TOPAZ1: variants seen among roughly 807,000 people sequenced by gnomAD.
TOPAZ1 encodes testis and ovary specific TOPAZ 1, also known as protein TOPAZ1.
Under a neutral mutation model 172.2 loss-of-function variants are expected in TOPAZ1, and 66 were observed. That is an observed-to-expected ratio of 0.38 (90% CI 0.31 to 0.47). The LOEUF is 0.47. Ranked by LOEUF, TOPAZ1 falls within the 20% of genes least tolerant of loss-of-function variation. The pLI is 0.99. For synonymous variants in TOPAZ1, 681 were observed against 683.9 expected (o/e 1.00, Z 0.07); for missense variants, 1,822 against 1,972.4 (o/e 0.92, Z 1.44).
chr3:44,327,695 G>T (rs1700615324), intron 18 of TOPAZ1, among the ~76,000 whole-genome samples: 1 of 151,764 alleles, frequency 6.6e-6, no homozygotes, highest in Non-Finnish European at 1.5e-5. Flanking sequence ...CCATGATAAG[G>T]CCCAAAAGTC....
chr3:44,299,958 G>C (rs1390783931), intron 12 of TOPAZ1, among the ~76,000 whole-genome samples: 1 of 34,556 alleles, frequency 2.9e-5, no homozygotes, highest in Non-Finnish European at 6.0e-5. Flanking sequence ...GTTGTGGGGT[G>C]GGGGGAGGGG....
intron 2 of TOPAZ1, among the ~76,000 whole-genome samples, chr3:44,246,973 T>G (rs1699574594): frequency 6.6e-6 from 1 of 152,188 alleles, no homozygotes; most frequent in Admixed American, 6.5e-5. Context: ...GACAGTGAGC[T>G]AAGCCAAATT....
At chr3:44,291,329 G>A (rs1223248714) in intron 12 of TOPAZ1, among the ~76,000 whole-genome samples, 10 of 148,488 alleles carry the variant, frequency 6.7e-5, no homozygotes, top group African/African-American at 1.7e-4. Flanking sequence ...AAAGCCAGGC[G>A]CCGTGGCTCA....
Position 44,331,892 on chromosome 3 carries a change from C to T in TOPAZ1, c.4960C>T (p.His1654Tyr). 3.2e-6 allele frequency: 5 copies of T among 1,551,738 alleles called. No individual in the cohort carries two copies. The highest frequency in any genetic ancestry group is 4.4e-6 in the Non-Finnish European group (5 of 1,146,942). ...RISDPKLFVK[H>Y]MTVNVNKEQV... ...ATCAGATCCAAAGCTTTTCGTTAAA[C>T]ACATGACTGTCAATGTTAATAAGGA... Residue 1654 changes from histidine (H) to tyrosine (Y), a missense_variant, in exon 20 of 20, where the codon CAC becomes TAC. His to Tyr is a moderately conservative substitution (Grantham distance 83, BLOSUM62 2). Coordinates refer to ENST00000309765, the MANE Select transcript of TOPAZ1 (RefSeq NM_001145030.2).
intron 12 of TOPAZ1, among the ~76,000 whole-genome samples, chr3:44,297,202 CA>C (rs1700210429): frequency 6.7e-6 from 1 of 150,254 alleles, no homozygotes; most frequent in Non-Finnish European, 1.5e-5. Context: ...AAGAAAATTA[CA>C]AATTAGTATT....
At chr3:44,332,724 C>A (rs1331186459), downstream of TOPAZ1, among the ~76,000 whole-genome samples, 1 of 151,826 alleles carries the variant, frequency 6.6e-6, no homozygotes, top group Non-Finnish European at 1.5e-5. Flanking sequence ...TACTTTAAAC[C>A]GTAATTTAAA....
chr3:44,271,699 AT>A (rs1699901089), intron 8 of TOPAZ1, among the ~76,000 whole-genome samples: 1 of 152,162 alleles, frequency 6.6e-6, no homozygotes, highest in Non-Finnish European at 1.5e-5. Context: ...ATATGGAATA[AT>A]TAAATCAAGC....
intron 2 of TOPAZ1, among the ~76,000 whole-genome samples, chr3:44,251,835 T>C (rs745836709): frequency 2.6e-5 from 4 of 152,206 alleles, no homozygotes; most frequent in African/African-American, 4.8e-5. Context: ...AAATCTCTTT[T>C]ATCTCCTTTC....
chr3:44,268,363 A>ATTTTTTTTTTT (rs1293339613), intron 6 of TOPAZ1, among the ~76,000 whole-genome samples: 2 of 91,758 alleles, frequency 2.2e-5, no homozygotes, highest in African/African-American at 4.0e-5. Flanking sequence ...TGTGGTGCCT[A>ATTTTTTTTTTT]TTCTTTTTTT....
Position 44,305,579 on chromosome 3 carries a change from A to G in TOPAZ1, c.4039+258A>G, listed in dbSNP as rs775799554. Among the ~76,000 whole-genome samples the G allele has an allele frequency of 6.9e-4, 105 of 152,144 alleles. 3 individuals are homozygous for G. Among genetic ancestry groups the G allele is most frequent in the Admixed American group, 7.2e-4 (11 of 15,266 alleles). ...GACACAGAATCTTGCTTCATTGCCC[A>G]GGCTAGTCTCGAACTCTTGTGCTCA... On this transcript the variant is annotated intron_variant, in intron 14 of 19. Coordinates refer to ENST00000309765, the MANE Select transcript of TOPAZ1 (RefSeq NM_001145030.2).
intron 8 of TOPAZ1, among the ~76,000 whole-genome samples, chr3:44,277,781 G>A (rs1699979175): frequency 6.6e-6 from 1 of 152,038 alleles, no homozygotes; most frequent in African/African-American, 2.4e-5. Context: ...AAAGTGTGTG[G>A]CACCTTCCGC....
chr3:44,278,808 C>T (rs1489526153), intron 8 of TOPAZ1, among the ~76,000 whole-genome samples: 28 of 146,826 alleles, frequency 1.9e-4, no homozygotes, highest in Non-Finnish European at 3.6e-4. Flanking sequence ...TGTTGATCCT[C>T]CTTTTTTTTT....
In TOPAZ1 at chr3:44,242,324, C is replaced by CCGTCAGACT. The variant is rs781629976; in HGVS notation, c.280_288dup (p.Ser94_Asp96dup). ...GGAGGGGCGCAGGGGCCCGGTGAGC[C>CCGTCAGACT]CGTCAGACTCGTCAGACCCGCGAGG... On this transcript the variant is annotated inframe_insertion, in exon 1 of 20. Coordinates refer to ENST00000309765, the MANE Select transcript of TOPAZ1 (RefSeq NM_001145030.2). 2 of 1,551,876 alleles carry CCGTCAGACT rather than the reference C, an allele frequency of 1.3e-6. No individual in the cohort carries two copies. The highest frequency in any genetic ancestry group is 8.7e-7 in the Non-Finnish European group (1 of 1,147,090).
Position 44,244,202 on chromosome 3 carries a change from GATTCTA to G in TOPAZ1, c.1706_1711del (p.Ser569_Asn570del). ...TGAATCTTCAAGTAAAGAAAAATTAGATTCTAATTCTAATTGTTTGTCTTCAGTTTC... is the reference window on the plus strand; with the variant it reads ...TGAATCTTCAAGTAAAGAAAAATTAGATTCTAATTGTTTGTCTTCAGTTTC... On this transcript the variant is annotated inframe_deletion, in exon 2 of 20. Coordinates refer to ENST00000309765, the MANE Select transcript of TOPAZ1 (RefSeq NM_001145030.2). 3 of 1,550,184 alleles carry G rather than the reference GATTCTA, an allele frequency of 1.9e-6. No individual in the cohort carries two copies. Among genetic ancestry groups the G allele is most frequent in the South Asian group, 2.4e-5 (2 of 83,680 alleles).
intron 8 of TOPAZ1, among the ~76,000 whole-genome samples, chr3:44,271,132 G>A (rs1172618897): frequency 6.6e-6 from 1 of 152,102 alleles, no homozygotes; most frequent in Non-Finnish European, 1.5e-5. Flanking sequence ...ATGTCTTTTG[G>A]TGAACATATG....
rs546893245 is a variant in TOPAZ1 at position 44,245,938 on chromosome 3, C to T, written c.2765+667C>T. 8.5e-5 allele frequency among the ~76,000 whole-genome samples: 13 copies of T among 152,286 alleles called. 1 individual carries two copies. The South Asian group carries it at 2.7e-3, about 32-fold the overall frequency. ...TTATAAATACACAGATAAACTTTTA[C>T]TTCAGCCAGGTTACTTATTAAGATC... On this transcript the variant is annotated intron_variant, in intron 2 of 19. Transcript: ENST00000309765.
intron 9 of TOPAZ1, among the ~76,000 whole-genome samples, chr3:44,285,415 G>A (rs4608664): frequency 0.34 from 51,821 of 151,750 alleles, 9,538 homozygotes; most frequent in African/African-American, 0.43. Flanking sequence ...GCAGTGAGCC[G>A]AGATCACAAC....
chr3:44,267,877 C>T (rs369886331), intron 6 of TOPAZ1, among the ~76,000 whole-genome samples: 1 of 152,114 alleles, frequency 6.6e-6, no homozygotes, highest in Admixed American at 6.6e-5. Flanking sequence ...GTGTTGTATA[C>T]TATAACAGCA....
chr3:44,335,276 C>T (rs539669156), downstream of TOPAZ1, among the ~76,000 whole-genome samples: 22 of 152,142 alleles, frequency 1.4e-4, no homozygotes, highest in South Asian at 3.3e-3. Context: ...TAAGGGCCAC[C>T]GCTGCTAAGG....
Sources: gnomAD v4.1 joint callset for allele counts (sites outside exome capture counted in the v4.1 genomes callset) on GRCh38, gnomAD v4.1.1 for gene constraint, MANE v1.5 for transcripts, NCBI Gene and HGNC (gene_info 2026-07-23, HGNC 2026-07-21) for gene names.